The following FRMD1 variants were observed in gnomAD, a reference collection of about 807,000 sequenced individuals.
FRMD1 encodes FERM domain-containing protein 1.
Under a neutral mutation model 54.9 loss-of-function variants are expected in FRMD1, and 51 were observed. That is an observed-to-expected ratio of 0.93 (90% CI 0.74 to 1.17). The LOEUF is 1.17. FRMD1 is among the 50% of genes most tolerant of loss of function. The pLI is 0.00. For missense variants in FRMD1, 729 were observed against 743.0 expected (o/e 0.98, Z 0.22); for synonymous variants, 324 against 306.4 (o/e 1.06, Z -0.60).
chr6:168,060,646 G>T lies in FRMD1; in HGVS notation c.1342+115C>A. 3 of 1,040,550 alleles carry T rather than the reference G, an allele frequency of 2.9e-6. No homozygotes were observed. In the African/African-American group the frequency reaches 4.8e-5, roughly 17 times the overall value. The allele number at this position is 1,040,550 out of a possible 1,614,324, so 64.5% of individuals were successfully genotyped here. The stretch of plus-strand genomic sequence containing the variant: ...ACAAGCAGCCCAGCCCCTCACGTCT[G>T]GCCACTGGAGGGCAGGCCAGGGCTT... On this transcript the variant is annotated intron_variant, in intron 9 of 10. Transcript: ENST00000283309.
Position 168,060,837 on chromosome 6 carries a change from G to T in FRMD1, c.1266C>A (p.His422Gln), listed in dbSNP as rs566577100. Residue 422 changes from histidine to glutamine, a missense_variant, in exon 9 of 11, where the codon CAC becomes CAA. His to Gln is a conservative substitution (Grantham distance 24, BLOSUM62 0). Transcript: ENST00000283309. The stretch of plus-strand genomic sequence containing the variant: ...AGGACGGCTCCTTCTCATGGAGCCC[G>T]TGGACCTCCAAGGGCACGTCCACAG... ...EMSVDVPLEV[H>Q]GLHEKEPSSS... The T allele has an allele frequency of 6.2e-7, 1 of 1,613,604 alleles. No homozygotes were observed. Among genetic ancestry groups the T allele is most frequent in the Admixed American group, 1.7e-5 (1 of 60,026 alleles).
chr6:168,064,738 C>T (rs1799938149), intron 5 of FRMD1, 133 bp downstream of exon 5: 1 of 1,430,370 alleles, frequency 7.0e-7, no homozygotes, highest in Non-Finnish European at 9.2e-7. Flanking sequence ...GGTGATTGCC[C>T]TGTTTCCATC....
intron 4 of FRMD1, chr6:168,065,885 C>T (rs879065316): frequency 2.2e-5 from 22 of 1,000,148 alleles, no homozygotes; most frequent in Non-Finnish European, 2.5e-5. Context: ...CCAGGGTAAA[C>T]CCTGTTCACG....
Position 168,057,094 on chromosome 6 carries a change from T to G in FRMD1, c.*3A>C. 1 of 1,472,082 alleles carries G rather than the reference T, an allele frequency of 6.8e-7. No individual in the cohort carries two copies. The highest frequency in any genetic ancestry group is 1.4e-5 in the South Asian group (1 of 70,218). 91.2% of individuals were successfully genotyped at this position (1,472,082 alleles called of 1,614,324 possible). On this transcript the variant is annotated 3_prime_UTR_variant, in exon 11 of 11. Coordinates refer to ENST00000283309, the MANE Select transcript of FRMD1 (RefSeq NM_024919.6). ...GCGGACGGTACTGCTGGGTGGGTGGTGCCTACACCACAAACTCCTGTGGTG... is the reference window on the plus strand; with the variant it reads ...GCGGACGGTACTGCTGGGTGGGTGGGGCCTACACCACAAACTCCTGTGGTG...
intron 2 of FRMD1, 71 bp from the exon 3 acceptor site, chr6:168,067,517 T>G: frequency 1.1e-6 from 1 of 912,294 alleles, no homozygotes; most frequent in Non-Finnish European, 1.7e-6. Flanking sequence ...TGTTCAAAAC[T>G]GAGTGTGGCT....
At chr6:168,086,508 C>G (rs954707359), upstream of FRMD1, among the ~76,000 whole-genome samples, 2 of 149,758 alleles carry the variant, frequency 1.3e-5, no homozygotes, top group Non-Finnish European at 3.0e-5. Flanking sequence ...ACATCCACAG[C>G]GTGGACACTG....
chr6:168,066,577 G>A (rs1800036509), intron 4 of FRMD1, 178 bp downstream of exon 4: 9 of 1,408,534 alleles, frequency 6.4e-6, no homozygotes, highest in East Asian at 2.7e-5. Context: ...TATACCTTTC[G>A]ATTAAATAGA....
At chr6:168,067,208 C>A in intron 3 of FRMD1, 159 bp downstream of exon 3, 1 of 652,422 alleles carries the variant, frequency 1.5e-6, no homozygotes, top group South Asian at 1.6e-5. Context: ...CGCATCCCAC[C>A]ACTGTCCACC....
intron 1 of FRMD1, among the ~76,000 whole-genome samples, chr6:168,089,529 G>A (rs1047147490): frequency 6.6e-6 from 1 of 152,198 alleles, no homozygotes; most frequent in Non-Finnish European, 1.5e-5. Flanking sequence ...AGGAATGGCC[G>A]CCTCCAGGCA....
chr6:168,089,497 A>G (rs1800978582), intron 1 of FRMD1, among the ~76,000 whole-genome samples: 1 of 152,218 alleles, frequency 6.6e-6, no homozygotes, highest in Non-Finnish European at 1.5e-5. Context: ...CCTCCAGGAC[A>G]CAGGTGGAGG....
At chr6:168,073,899 T>A (rs1006422637) in intron 2 of FRMD1, among the ~76,000 whole-genome samples, 1 of 151,786 alleles carries the variant, frequency 6.6e-6, no homozygotes, top group African/African-American at 2.4e-5. Context: ...TTGGGAGAGG[T>A]CAGCTCAGCC....
intron 1 of FRMD1, chr6:168,075,955 G>A (rs1319267273): frequency 1.2e-6 from 1 of 857,366 alleles, no homozygotes; most frequent in Non-Finnish European, 1.8e-6. Flanking sequence ...CCACATTTCC[G>A]GTGTCCCGTG....
At chr6:168,082,742 T>C (rs1024991061), upstream of FRMD1, among the ~76,000 whole-genome samples, 2 of 152,208 alleles carry the variant, frequency 1.3e-5, no homozygotes, top group African/African-American at 4.8e-5. Context: ...TTCATTCTTA[T>C]GAACAAACCA....
chr6:168,088,314 C>T (rs1800956578), intron 1 of FRMD1, among the ~76,000 whole-genome samples: 1 of 152,176 alleles, frequency 6.6e-6, no homozygotes, highest in African/African-American at 2.4e-5. Flanking sequence ...GGGTTCAGTG[C>T]CTGCTCTCCA....
At position 168,054,043 on chromosome 6, in the gene FRMD1, C is replaced by G. The variant is rs1261544379; in HGVS notation, c.*3054G>C. 1 of 152,412 alleles carries G rather than the reference C, an allele frequency of 6.6e-6. No homozygotes were observed. Among genetic ancestry groups the G allele is most frequent in the Admixed American group, 6.5e-5 (1 of 15,290 alleles). 9.4% of individuals were successfully genotyped at this position (152,412 alleles called of 1,614,324 possible). A position where few individuals can be genotyped will look rare whatever the true frequency, so the allele number is the denominator to read the frequency against. ...TGAGGGCCCAGAGGAGTCCATGCTT[C>G]AACACAGGCAAGAGGGAACCGGCCA... On this transcript the variant is annotated 3_prime_UTR_variant, in exon 11 of 11. Transcript: ENST00000283309.
At chr6:168,075,511 T>A (rs1418217997) in intron 1 of FRMD1, among the ~76,000 whole-genome samples, 176 bp from the exon 2 acceptor site, 2 of 151,784 alleles carry the variant, frequency 1.3e-5, no homozygotes, top group African/African-American at 2.4e-5. Flanking sequence ...TGCATGCCCA[T>A]CAGAGCACCT....
At chr6:168,060,538 C>T (rs1319430671) in intron 9 of FRMD1, among the ~76,000 whole-genome samples, 1 of 152,154 alleles carries the variant, frequency 6.6e-6, no homozygotes, top group South Asian at 2.1e-4. Context: ...ACAGGAGACT[C>T]GGGCACAGCA....
chr6:168,057,471 C>A, intron 10 of FRMD1, 132 bp from the exon 11 acceptor site: 3 of 1,366,110 alleles, frequency 2.2e-6, no homozygotes, highest in Non-Finnish European at 3.0e-6. Context: ...AGTGCATGGC[C>A]GGCCTGCCCC....
chr6:168,061,110 C>G, intron 8 of FRMD1, 53 bp from the exon 9 acceptor site: 1 of 1,545,194 alleles, frequency 6.5e-7, no homozygotes, highest in South Asian at 1.2e-5. Flanking sequence ...ACCAGCCCTG[C>G]TGATGCAGGA....
Sources: gnomAD v4.1 joint callset for allele counts (sites outside exome capture counted in the v4.1 genomes callset) on GRCh38, gnomAD v4.1.1 for gene constraint, MANE v1.5 for transcripts, NCBI Gene and HGNC (gene_info 2026-07-23, HGNC 2026-07-21) for gene names.